Variants in HOXD3 observed in about 807,000 individuals in gnomAD.
The protein encoded by HOXD3 is homeobox protein Hox-D3.
A neutral mutation model predicts 32.8 loss-of-function variants in HOXD3; 13 were observed. That is an observed-to-expected ratio of 0.40 (90% confidence interval 0.26 to 0.63). HOXD3 has a LOEUF of 0.63. Among genes scored for constraint, HOXD3 ranks in the 20% least tolerant of loss-of-function variants. HOXD3 has a pLI of 0.44. For synonymous variants in HOXD3, 241 were observed against 246.8 expected, an observed-to-expected ratio of 0.98 and a Z score of 0.22; for missense variants, 504 against 577.1, an observed-to-expected ratio of 0.87 and a Z score of 1.30.
intron 1 of HOXD3, among the ~76,000 whole-genome samples, chr2:176,159,985 T>A (rs919664000): frequency 2.6e-4 from 39 of 152,050 alleles, no homozygotes; most frequent in Non-Finnish European, 1.3e-4. Context: ...TGGGTCCGGG[T>A]CGCCTGCTAC....
At chr2:176,157,528 A>G (rs1383580729) in intron 1 of HOXD3, among the ~76,000 whole-genome samples, 76 bp downstream of exon 1, 1 of 152,188 alleles carries the variant, frequency 6.6e-6, no homozygotes, top group Non-Finnish European at 1.5e-5. Flanking sequence ...GCTGACAAAT[A>G]GTTCCCTTTG....
In HOXD3 at chr2:176,169,328, A is replaced by G; in HGVS notation, c.214A>G (p.Ser72Gly). Residue 72 changes from serine (S) to glycine (G), a missense_variant, in exon 3 of 4, where the codon AGC (serine) becomes GGC (glycine). Physicochemically the swap from Ser to Gly is moderately conservative, Grantham distance 56. Around this residue, in one of 3 missense-constraint regions of HOXD3, gnomAD observed 181 missense variants for 172.2 expected, o/e 1.05. Coordinates refer to ENST00000683222, the MANE Select transcript of HOXD3 (RefSeq NM_006898.5). ...TCCAGGTTCTGCCTGCTCCATCCAG[A>G]GCTCTGCCCCTCTGAGAGCCCCAGC... ...DYPGSACSIQ[S>G]SAPLRAPAHK... The G allele has an allele frequency of 6.2e-7, 1 of 1,613,926 alleles. No homozygotes were observed. The highest frequency in any genetic ancestry group is 8.5e-7 in the Non-Finnish European group (1 of 1,179,982).
chr2:176,155,423 T>C (rs1253935306), upstream of HOXD3, among the ~76,000 whole-genome samples: 1 of 152,176 alleles, frequency 6.6e-6, no homozygotes, highest in Admixed American at 6.5e-5. Context: ...TTCTCAAACA[T>C]AGCCCCACTA....
intron 1 of HOXD3, among the ~76,000 whole-genome samples, chr2:176,161,319 C>T (rs914198871): frequency 6.6e-6 from 1 of 152,152 alleles, no homozygotes; most frequent in Non-Finnish European, 1.5e-5. Context: ...AGGACACTAC[C>T]TTGCCAGGCT....
At chr2:176,160,385 C>G (rs1372465306) in intron 1 of HOXD3, among the ~76,000 whole-genome samples, 1 of 152,214 alleles carries the variant, frequency 6.6e-6, no homozygotes, top group African/African-American at 2.4e-5. Context: ...TCAACGCCCC[C>G]AACCCACTGA....
upstream of HOXD3, among the ~76,000 whole-genome samples, chr2:176,154,914 C>T (rs959319050): frequency 6.6e-6 from 1 of 152,204 alleles, no homozygotes; most frequent in Non-Finnish European, 1.5e-5. Context: ...TTTTCTGACG[C>T]CCTCACGTTG....
chr2:176,166,972 G>C (rs1690991395), intron 2 of HOXD3, among the ~76,000 whole-genome samples: 1 of 152,214 alleles, frequency 6.6e-6, no homozygotes, highest in African/African-American at 2.4e-5. Flanking sequence ...CAGGATGGAA[G>C]CCAGGGAGAG....
Position 176,172,420 on chromosome 2 carries a change from G to T in HOXD3, c.*146G>T, listed in dbSNP as rs1272873734. On this transcript the variant is annotated 3_prime_UTR_variant, in exon 4 of 4. Transcript: ENST00000683222. ...TCCCGGGTCTCAGGCCTCCAGCGGC[G>T]GAGGCGCAGGCGACCGGGCCTCCCC... 4.0e-6 allele frequency: 3 copies of T among 758,288 alleles called. No individual in the cohort carries two copies. The highest frequency in any genetic ancestry group is 6.2e-6 in the Non-Finnish European group (3 of 487,678). The allele number at this position is 758,288 out of a possible 1,614,324, so 47.0% of individuals were successfully genotyped here. A position where few individuals can be genotyped will look rare whatever the true frequency, so the allele number is the denominator to read the frequency against.
intron 1 of HOXD3, among the ~76,000 whole-genome samples, chr2:176,163,410 T>G (rs1574981196): frequency 6.7e-6 from 1 of 149,356 alleles, no homozygotes; most frequent in African/African-American, 2.5e-5. Flanking sequence ...TGGGTGGGGG[T>G]GGAAAGGATG....
chr2:176,156,333 G>C (rs913281548), upstream of HOXD3, among the ~76,000 whole-genome samples: 1 of 152,198 alleles, frequency 6.6e-6, no homozygotes, highest in Non-Finnish European at 1.5e-5. Flanking sequence ...AGGGTACAGA[G>C]TGTTGGGTGT....
At chr2:176,164,265 G>A (rs1690894258) in intron 2 of HOXD3, 97 bp downstream of exon 2, 1 of 152,164 alleles carries the variant, frequency 6.6e-6, no homozygotes, top group South Asian at 2.1e-4. Flanking sequence ...ATAGAACAAA[G>A]GGCAGCTTTG....
In HOXD3 at chr2:176,172,338, G is replaced by T. The variant is rs1247401603; in HGVS notation, c.*64G>T. ...TCTTGCTGTAGTGGTGGGGTAGAGG[G>T]TGGGGCCCGCGGGGCAGTTCGGGAA... On this transcript the variant is annotated 3_prime_UTR_variant, in exon 4 of 4. Coordinates refer to ENST00000683222, the MANE Select transcript of HOXD3 (RefSeq NM_006898.5). The T allele has an allele frequency of 3.4e-6, 5 of 1,461,436 alleles. No homozygotes were observed. The highest frequency in any genetic ancestry group is 3.7e-6 in the Non-Finnish European group (4 of 1,092,048). 90.5% of individuals were successfully genotyped at this position (1,461,436 alleles called of 1,614,324 possible). A position where few individuals can be genotyped will look rare whatever the true frequency, so the allele number is the denominator to read the frequency against.
chr2:176,166,316 C>T lies in HOXD3; in HGVS notation c.-85+2148C>T, dbSNP rs117967911. ...TCAGTTCCTAAGTAAGCTATTTTAA[C>T]GTGACTGGTTCACCTATCTAGATCA... is the stretch of plus-strand genomic sequence containing the variant. On this transcript the variant is annotated intron_variant, in intron 2 of 3. Coordinates refer to ENST00000683222, the MANE Select transcript of HOXD3 (RefSeq NM_006898.5). Among the ~76,000 whole-genome samples the T allele has an allele frequency of 6.0e-3, 918 of 152,300 alleles. 23 individuals carry two copies. In the East Asian group the frequency reaches 0.069, roughly 11 times the overall value.
intron 2 of HOXD3, among the ~76,000 whole-genome samples, chr2:176,168,114 G>C (rs1021819099): frequency 1.3e-5 from 2 of 152,072 alleles, no homozygotes; most frequent in Non-Finnish European, 2.9e-5. Context: ...TACTTCCAGA[G>C]GTTCAAATAA....
chr2:176,168,924 C>G lies in HOXD3; in HGVS notation c.-84-107C>G, dbSNP rs994288461. ...CTCAGATCCAGCACCTTGCCCATCT[C>G]CCCGCCGTGAAGTGGGTAGGAAGCA... On this transcript the variant is annotated intron_variant, in intron 2 of 3. Transcript: ENST00000683222. The G allele has an allele frequency of 4.0e-6, 3 of 745,372 alleles. No individual in the cohort carries two copies. The African/African-American group carries it at 5.3e-5, about 13-fold the overall frequency. 46.2% of individuals were successfully genotyped at this position (745,372 alleles called of 1,614,324 possible).
Position 176,171,684 on chromosome 2 carries a change from CAGATCA to C in HOXD3, c.715_720del (p.Lys239_Ile240del). The C allele has an allele frequency of 6.2e-7, 1 of 1,614,174 alleles. No individual in the cohort carries two copies. The highest frequency in any genetic ancestry group is 1.1e-5 in the South Asian group (1 of 91,086). On this transcript the variant is annotated inframe_deletion, in exon 4 of 4. Transcript: ENST00000683222. ...CAACCTGCTGAATCTCACGGAACGC[CAGATCA>C]AGATCTGGTTCCAGAACCGGCGCAT...
chr2:176,159,127 G>C (rs1690718977), intron 1 of HOXD3, among the ~76,000 whole-genome samples: 1 of 152,172 alleles, frequency 6.6e-6, no homozygotes. Flanking sequence ...ATCCTTTCCT[G>C]GAGACAAATT....
rs182450762 is a variant in HOXD3, at chr2:176,168,932, T to C, written c.-84-99T>C. The C allele has an allele frequency of 1.0e-4, 86 of 838,424 alleles. No individual in the cohort carries two copies. In the Admixed American group the frequency reaches 2.0e-3, roughly 20 times the overall value. 51.9% of individuals were successfully genotyped at this position (838,424 alleles called of 1,614,324 possible). A position where few individuals can be genotyped will look rare whatever the true frequency, so the allele number is the denominator to read the frequency against. ...CAGCACCTTGCCCATCTCCCCGCCG[T>C]GAAGTGGGTAGGAAGCAGAGAGCAT... On this transcript the variant is annotated intron_variant, in intron 2 of 3. Transcript: ENST00000683222.
upstream of HOXD3, chr2:176,152,905 T>A (rs1326613863): frequency 6.2e-7 from 1 of 1,614,200 alleles, no homozygotes; most frequent in Non-Finnish European, 8.5e-7. The surrounding 1 kb of genome is among the most constrained non-coding windows in gnomAD (Gnocchi z 5.2). Flanking sequence ...TTACAGCCGA[T>A]GGCCAAAGAC....
Sources: allele counts gnomAD v4.1 joint callset (sites outside exome capture counted in the v4.1 genomes callset), GRCh38; gene constraint gnomAD v4.1.1; regional missense constraint gnomAD v4.1.1; non-coding constraint Gnocchi (gnomAD v3.1); transcripts MANE v1.5; gene names NCBI Gene and HGNC (gene_info 2026-07-23, HGNC 2026-07-21).